Variants in CNBD1 observed in about 807,000 individuals in gnomAD.
CNBD1 encodes the protein cyclic nucleotide binding domain containing 1, also known as cyclic nucleotide-binding domain-containing protein 1.
CNBD1 carries 71 observed loss-of-function variants against 54.4 expected under a neutral mutation model. That is an observed-to-expected ratio of 1.30 (90% CI 1.08 to 1.59). The LOEUF is 1.59. CNBD1 is among the 40% of genes most tolerant of loss of function. The probability of loss-of-function intolerance (pLI) is 0.00; values close to 1 mark genes in which losing one functional copy is unlikely to be tolerated. For missense variants in CNBD1, 659 were observed against 518.0 expected (o/e 1.27, Z -2.64); for synonymous variants, 182 against 170.7 (o/e 1.07, Z -0.51).
intron 8 of CNBD1, among the ~76,000 whole-genome samples, chr8:87,327,063 G>A (rs1337950096): frequency 9.5e-5 from 14 of 147,360 alleles, no homozygotes; most frequent in African/African-American, 3.4e-4. Context: ...ATACCCTGCC[G>A]TGTGAGGTGT....
At chr8:87,350,577 T>C (rs1049071413) in intron 8 of CNBD1, among the ~76,000 whole-genome samples, 1 of 151,870 alleles carries the variant, frequency 6.6e-6, no homozygotes, top group Non-Finnish European at 1.5e-5. Flanking sequence ...TTTGGTAACA[T>C]CAATAATTTT....
rs1167446163 is a variant in CNBD1, at chr8:87,373,674, G to A, written c.1304-8946G>A. 2.6e-5 allele frequency among the ~76,000 whole-genome samples: 4 copies of A among 151,688 alleles called. No individual in the cohort carries two copies. In the Admixed American group the frequency reaches 2.6e-4, roughly 10 times the overall value. ...AAATTACAATAAATGTTGGCTTATA[G>A]GAATTGCCAATTCAGGCCAAAAAGC... On this transcript the variant is annotated intron_variant, in intron 10 of 10. Coordinates refer to ENST00000518476, the MANE Select transcript of CNBD1 (RefSeq NM_173538.3).
chr8:86,894,422 C>T (rs1439906894), intron 2 of CNBD1, among the ~76,000 whole-genome samples: 1 of 152,140 alleles, frequency 6.6e-6, no homozygotes, highest in Admixed American at 6.5e-5. Flanking sequence ...GTATAATTTC[C>T]ATACATACCT....
At chr8:87,424,150 A>T (rs1028316500) in intron 2 of CNBD1, among the ~76,000 whole-genome samples, 1 of 151,808 alleles carries the variant, frequency 6.6e-6, no homozygotes, top group African/African-American at 2.4e-5. Flanking sequence ...TATTGCATCT[A>T]TTTGACTCTT....
At chr8:87,349,056 G>C (rs1313879053) in intron 8 of CNBD1, among the ~76,000 whole-genome samples, 1 of 151,966 alleles carries the variant, frequency 6.6e-6, no homozygotes, top group Non-Finnish European at 1.5e-5. Context: ...ACTACATTTT[G>C]TAAACATAAA....
At chr8:87,273,037 T>G (rs1431174766) in intron 6 of CNBD1, among the ~76,000 whole-genome samples, 1 of 151,786 alleles carries the variant, frequency 6.6e-6, no homozygotes, top group African/African-American at 2.4e-5. Flanking sequence ...TTATTTCCAG[T>G]GACTGAATGA....
At chr8:87,316,083 G>C (rs1282150420) in intron 8 of CNBD1, among the ~76,000 whole-genome samples, 2 of 151,862 alleles carry the variant, frequency 1.3e-5, no homozygotes, top group African/African-American at 2.4e-5. Context: ...TAGCCAAAAG[G>C]CTGAGAAGTG....
chr8:87,231,698 A>G (rs1041287462), intron 5 of CNBD1, among the ~76,000 whole-genome samples: 6 of 152,140 alleles, frequency 3.9e-5, no homozygotes, highest in Non-Finnish European at 7.4e-5. Flanking sequence ...ATATCATAGC[A>G]TCAGGATATT....
At chr8:86,941,705 T>G (rs928734588) in intron 4 of CNBD1, among the ~76,000 whole-genome samples, 1 of 152,176 alleles carries the variant, frequency 6.6e-6, no homozygotes, top group African/African-American at 2.4e-5. Flanking sequence ...CCTAGTACCT[T>G]CTTAACAGTG....
chr8:87,341,767 G>A (rs538895878), intron 8 of CNBD1, among the ~76,000 whole-genome samples: 3 of 152,324 alleles, frequency 2.0e-5, no homozygotes, highest in East Asian at 1.9e-4. Flanking sequence ...GAAGTAGAGA[G>A]CAAAACCTTA....
At position 87,329,692 on chromosome 8, in the gene CNBD1, T is replaced by C. The variant is rs1809775421; in HGVS notation, c.1043-21993T>C. On this transcript the variant is annotated intron_variant, in intron 8 of 10. Transcript: ENST00000518476. ...ATAATATTATGTTTTTAATTTGAAATTCCATTTGTTTGTTGCTAGTATATA... is the reference window on the plus strand; with the variant it reads ...ATAATATTATGTTTTTAATTTGAAACTCCATTTGTTTGTTGCTAGTATATA... Among the ~76,000 whole-genome samples the C allele has an allele frequency of 1.3e-5, 2 of 152,082 alleles. 1 individual carries two copies. The highest frequency in any genetic ancestry group is 4.1e-4 in the South Asian group (2 of 4,838).
downstream of CNBD1, chr8:87,382,917 T>TAAAC (rs10635788): frequency 0.53 from 142,203 of 268,674 alleles, 40,542 homozygotes; most frequent in African/African-American, 0.77. Context: ...AAAGTAGTTG[T>TAAAC]AAAAAATTAA....
chr8:87,427,382 A>G (rs1032709692), intron 2 of CNBD1, among the ~76,000 whole-genome samples: 2 of 152,136 alleles, frequency 1.3e-5, no homozygotes, highest in East Asian at 3.9e-4. Flanking sequence ...CTTTTTATGA[A>G]TATTGATTAT....
rs1028346326 is a variant in CNBD1 at position 86,881,155 on chromosome 8, C to G, written c.89-6387C>G. Reference sequence around the variant, plus strand: ...CCTCTCTCACCACTCCTATTCAACACAGTATTGGAAGTTCTGGCCAGGGCA... The same window carrying G: ...CCTCTCTCACCACTCCTATTCAACAGAGTATTGGAAGTTCTGGCCAGGGCA... On this transcript the variant is annotated intron_variant, in intron 1 of 10. Transcript: ENST00000518476. 2.6e-5 allele frequency among the ~76,000 whole-genome samples: 4 copies of G among 152,062 alleles called. No individual in the cohort carries two copies. In the East Asian group the frequency reaches 7.7e-4, roughly 29 times the overall value.
At chr8:86,959,068 T>C (rs1807859218) in intron 4 of CNBD1, among the ~76,000 whole-genome samples, 1 of 152,192 alleles carries the variant, frequency 6.6e-6, no homozygotes, top group African/African-American at 2.4e-5. Context: ...TCTCTGCATT[T>C]GTTTGTCTCT....
chr8:87,379,166 C>T (rs904597106), intron 10 of CNBD1, among the ~76,000 whole-genome samples: 18 of 151,834 alleles, frequency 1.2e-4, no homozygotes, highest in Admixed American at 9.2e-4. Context: ...TGCCTAATTG[C>T]CCTGGCCAGA....
intron 5 of CNBD1, among the ~76,000 whole-genome samples, chr8:87,216,211 A>G (rs1264997458): frequency 6.6e-6 from 1 of 152,196 alleles, no homozygotes; most frequent in Admixed American, 6.5e-5. Context: ...GATTGAAATC[A>G]ATTTCTTTTA....
intron 4 of CNBD1, among the ~76,000 whole-genome samples, chr8:87,036,107 T>G (rs1809935961): frequency 6.6e-6 from 1 of 151,972 alleles, no homozygotes; most frequent in South Asian, 2.1e-4. Context: ...GGATAGGGAG[T>G]GATTTTCCAT....
chr8:87,346,121 A>C (rs1236675377), intron 8 of CNBD1, among the ~76,000 whole-genome samples: 1 of 151,988 alleles, frequency 6.6e-6, no homozygotes, highest in East Asian at 1.9e-4. Context: ...GGCTTACCAC[A>C]GCCTCTGCCT....
Sources: allele counts gnomAD v4.1 joint callset (sites outside exome capture counted in the v4.1 genomes callset), GRCh38; gene constraint gnomAD v4.1.1; transcripts MANE v1.5; gene names NCBI Gene and HGNC (gene_info 2026-07-23, HGNC 2026-07-21).